Variants in GRM7 observed in about 807,000 individuals in gnomAD.
GRM7 encodes glutamate metabotropic receptor 7, also known as metabotropic glutamate receptor 7.
In GRM7, 35 loss-of-function variants were observed where a neutral mutation model predicts 84.5. The observed-to-expected ratio is 0.41, with a 90% CI of 0.32 to 0.55. GRM7 has a LOEUF of 0.55. Ranked by LOEUF, GRM7 falls within the 20% of genes least tolerant of loss-of-function variation. The probability of loss-of-function intolerance (pLI) is 0.19; values close to 1 mark genes in which losing one functional copy is unlikely to be tolerated. For synonymous variants in GRM7, 487 were observed against 455.1 expected (o/e 1.07, Z -0.89); for missense variants, 1,003 against 1,194.6 (o/e 0.84, Z 2.36).
chr3:7,207,404 A>G (rs1396483659), intron 2 of GRM7, among the ~76,000 whole-genome samples: 2 of 152,194 alleles, frequency 1.3e-5, no homozygotes, highest in East Asian at 3.8e-4. Flanking sequence ...TGCAAATTTC[A>G]TTTAATGCCA....
intron 4 of GRM7, among the ~76,000 whole-genome samples, chr3:7,313,808 A>G (rs574391131): frequency 1.3e-5 from 2 of 152,256 alleles, no homozygotes; most frequent in Admixed American, 6.5e-5. Context: ...TTGTGAAAAT[A>G]TCCATGCAAG....
At chr3:6,993,140 T>A (rs2124859993) in intron 1 of GRM7, among the ~76,000 whole-genome samples, 1 of 152,226 alleles carries the variant, frequency 6.6e-6, no homozygotes, top group African/African-American at 2.4e-5. Flanking sequence ...GAATGAGAAC[T>A]GAGTGAAGGA....
At chr3:7,710,287 C>A (rs1046012359) in intron 9 of GRM7, among the ~76,000 whole-genome samples, 64 of 152,226 alleles carry the variant, frequency 4.2e-4, no homozygotes, top group African/African-American at 1.4e-3. Context: ...AGATCTGAAG[C>A]TATTTTCCTT....
chr3:7,271,595 A>C (rs1181081404), intron 2 of GRM7, among the ~76,000 whole-genome samples: 1 of 151,498 alleles, frequency 6.6e-6, no homozygotes, highest in African/African-American at 2.4e-5. Context: ...AGAAATGCAG[A>C]ATCTCAGGCC....
At chr3:7,494,176 C>T (rs919097642) in intron 7 of GRM7, among the ~76,000 whole-genome samples, 2 of 152,020 alleles carry the variant, frequency 1.3e-5, no homozygotes, top group Non-Finnish European at 2.9e-5. Context: ...ACTAGCAATA[C>T]ATTATTATTA....
At chr3:7,468,823 T>C (rs1698570902) in intron 7 of GRM7, among the ~76,000 whole-genome samples, 2 of 152,170 alleles carry the variant, frequency 1.3e-5, no homozygotes, top group African/African-American at 2.4e-5. Context: ...CCTGCCACCA[T>C]ACAAAGAAGG....
chr3:7,233,292 A>T (rs1363898551), intron 2 of GRM7, among the ~76,000 whole-genome samples: 1 of 152,194 alleles, frequency 6.6e-6, no homozygotes. Flanking sequence ...AAGGCTAAAA[A>T]GACTTCTTGA....
intron 3 of GRM7, among the ~76,000 whole-genome samples, chr3:7,302,379 T>C (rs1461708041): frequency 6.6e-6 from 1 of 152,164 alleles, no homozygotes; most frequent in Non-Finnish European, 1.5e-5. Context: ...CAAGTACTTT[T>C]AAATGCTTTA....
chr3:7,086,525 T>C (rs1433058355), intron 1 of GRM7, among the ~76,000 whole-genome samples: 1 of 152,160 alleles, frequency 6.6e-6, no homozygotes, highest in Non-Finnish European at 1.5e-5. Flanking sequence ...GAAAAAATAT[T>C]TCCAAAGATA....
chr3:7,479,068 A>G (rs938616030), intron 7 of GRM7, among the ~76,000 whole-genome samples: 1 of 152,076 alleles, frequency 6.6e-6, no homozygotes, highest in African/African-American at 2.4e-5. Context: ...AAGTGGGGAC[A>G]TTTATACTGT....
chr3:7,039,714 GA>G (rs36047929), intron 1 of GRM7, among the ~76,000 whole-genome samples: 76,912 of 149,900 alleles, frequency 0.51, 20,040 homozygotes, highest in African/African-American at 0.61. Context: ...GAGTAACTGA[GA>G]AAAAAAAAAA....
intron 1 of GRM7, among the ~76,000 whole-genome samples, chr3:6,926,790 T>C (rs1239378796): frequency 1.3e-5 from 2 of 152,220 alleles, no homozygotes; most frequent in African/African-American, 4.8e-5. Context: ...AGGATTGATT[T>C]CATAAATCTC....
chr3:7,054,362 T>C (rs180766365), intron 1 of GRM7, among the ~76,000 whole-genome samples: 283 of 149,720 alleles, frequency 1.9e-3, no homozygotes, highest in Middle Eastern at 0.011. Flanking sequence ...GATATATGTA[T>C]GATATATATG....
At chr3:7,680,366 T>G (rs1700316359) in intron 9 of GRM7, 71 bp downstream of exon 9, 2 of 1,505,242 alleles carry the variant, frequency 1.3e-6, no homozygotes. Context: ...GGGGTGTGCT[T>G]GCCTCTCTGG....
At chr3:7,560,666 G>A (rs1219978772) in intron 7 of GRM7, among the ~76,000 whole-genome samples, 1 of 152,006 alleles carries the variant, frequency 6.6e-6, no homozygotes, top group Non-Finnish European at 1.5e-5. Flanking sequence ...TCTAATACCT[G>A]GAGCTTTTCC....
At chr3:7,210,057 G>C (rs193165032) in intron 2 of GRM7, among the ~76,000 whole-genome samples, 10 of 152,248 alleles carry the variant, frequency 6.6e-5, no homozygotes, top group African/African-American at 1.4e-4. Context: ...AAATGTTTCT[G>C]TTCAGTCTAT....
intron 1 of GRM7, among the ~76,000 whole-genome samples, chr3:6,943,310 G>A (rs2125059242): frequency 6.6e-6 from 1 of 151,692 alleles, no homozygotes; most frequent in African/African-American, 2.4e-5. Flanking sequence ...TTTCTTCTAT[G>A]TTTTGATTTA....
At chr3:7,205,984 A>C (rs1014527628) in intron 2 of GRM7, among the ~76,000 whole-genome samples, 2 of 152,192 alleles carry the variant, frequency 1.3e-5, no homozygotes, top group Admixed American at 1.3e-4. Flanking sequence ...AATTCTCTTT[A>C]TTCATGACAT....
intron 1 of GRM7, among the ~76,000 whole-genome samples, chr3:7,059,727 C>T (rs1005027670): frequency 1.3e-5 from 2 of 151,654 alleles, no homozygotes; most frequent in Non-Finnish European, 2.9e-5. Flanking sequence ...GTGAGACCCT[C>T]ATGAATGGGA....
Sources: allele counts gnomAD v4.1 joint callset (sites outside exome capture counted in the v4.1 genomes callset), GRCh38; gene constraint gnomAD v4.1.1; transcripts MANE v1.5; gene names NCBI Gene and HGNC (gene_info 2026-07-23, HGNC 2026-07-21).